Variants in TMEM150C observed in about 807,000 individuals in gnomAD.
The protein encoded by TMEM150C is transmembrane protein 150C.
A neutral mutation model predicts 29.9 loss-of-function variants in TMEM150C; 10 were observed. That is an observed-to-expected ratio of 0.33 (90% CI 0.21 to 0.57). The LOEUF (loss-of-function observed/expected upper bound fraction) is 0.57, where lower values mean the gene tolerates loss of function less well. Ranked by LOEUF, TMEM150C falls within the 20% of genes least tolerant of loss-of-function variation. The pLI, the probability that TMEM150C is intolerant of heterozygous loss-of-function variation, is 0.88. For missense variants in TMEM150C, 251 were observed against 303.6 expected (o/e 0.83, Z 1.29); for synonymous variants, 101 against 112.5 (o/e 0.90, Z 0.64).
chr4:82,559,614 C>T lies in TMEM150C; in HGVS notation c.-11+2292G>A, dbSNP rs191147682. 7.2e-5 allele frequency among the ~76,000 whole-genome samples: 11 copies of T among 152,246 alleles called. No individual in the cohort carries two copies. The East Asian group carries it at 7.7e-4, about 11-fold the overall frequency. ...TATTACACACCTGTGTCTAGTCCTACGCTTTTCATGAACTTAGACCTGGAT... is the reference window on the plus strand; with the variant it reads ...TATTACACACCTGTGTCTAGTCCTATGCTTTTCATGAACTTAGACCTGGAT... On this transcript the variant is annotated intron_variant, in intron 1 of 7. Transcript: ENST00000449862.
At chr4:82,514,340 T>C (rs1280356594) in intron 1 of TMEM150C, among the ~76,000 whole-genome samples, 1 of 152,244 alleles carries the variant, frequency 6.6e-6, no homozygotes, top group Non-Finnish European at 1.5e-5. Flanking sequence ...CTCCCTGTTC[T>C]ACCGTGGTAT....
At chr4:82,491,506 C>T in intron 6 of TMEM150C, 1 of 674,346 alleles carries the variant, frequency 1.5e-6, no homozygotes, top group Admixed American at 2.2e-5. Flanking sequence ...GGCTGGATGT[C>T]CTGTCCAATG....
At chr4:82,558,621 CAGA>C (rs1725816770) in intron 1 of TMEM150C, among the ~76,000 whole-genome samples, 1 of 147,452 alleles carries the variant, frequency 6.8e-6, no homozygotes. Context: ...CTAAACATAC[CAGA>C]AAAAAAAAAA....
chr4:82,502,271 T>G (rs1723761489), intron 5 of TMEM150C, among the ~76,000 whole-genome samples: 1 of 152,178 alleles, frequency 6.6e-6, no homozygotes. Context: ...CAGGAGAGAG[T>G]GTAATCCTAA....
At chr4:82,525,656 G>A (rs575105710) in intron 1 of TMEM150C, among the ~76,000 whole-genome samples, 169 of 152,220 alleles carry the variant, frequency 1.1e-3, no homozygotes, top group African/African-American at 3.6e-3. Flanking sequence ...ATATGGTTAC[G>A]AAATGACACC....
chr4:82,556,673 A>C (rs998121019), intron 1 of TMEM150C, among the ~76,000 whole-genome samples: 2 of 152,170 alleles, frequency 1.3e-5, no homozygotes, highest in African/African-American at 4.8e-5. Flanking sequence ...TTAAAAGAGA[A>C]AAGAAAAGAA....
intron 1 of TMEM150C, among the ~76,000 whole-genome samples, chr4:82,538,161 G>A (rs1200146129): frequency 3.3e-5 from 5 of 152,112 alleles, no homozygotes; most frequent in Non-Finnish European, 5.9e-5. Context: ...AGATTCAAGC[G>A]ATTCTCCTGC....
intron 1 of TMEM150C, among the ~76,000 whole-genome samples, chr4:82,523,872 G>T (rs530624998): frequency 1.1e-3 from 172 of 151,524 alleles, no homozygotes; most frequent in Non-Finnish European, 2.3e-3. Flanking sequence ...GAGATGGGGG[G>T]GGTTTCACCA....
chr4:82,539,437 T>C (rs1354695348), intron 1 of TMEM150C, among the ~76,000 whole-genome samples: 1 of 150,942 alleles, frequency 6.6e-6, no homozygotes, highest in Admixed American at 6.6e-5. Context: ...ATGAATTGGA[T>C]AAAGGATAAA....
At chr4:82,508,855 T>C (rs1160849959) in intron 1 of TMEM150C, among the ~76,000 whole-genome samples, 5 of 152,200 alleles carry the variant, frequency 3.3e-5, no homozygotes, top group African/African-American at 1.2e-4. Context: ...AGATAATTCT[T>C]CCCATGTCCT....
intron 1 of TMEM150C, among the ~76,000 whole-genome samples, chr4:82,544,701 C>T (rs1725302090): frequency 6.7e-6 from 1 of 149,962 alleles, no homozygotes; most frequent in Admixed American, 6.6e-5. Flanking sequence ...ATGGCTTGAG[C>T]CAGGCAGGTA....
intron 1 of TMEM150C, among the ~76,000 whole-genome samples, chr4:82,548,129 A>C (rs1463923074): frequency 6.6e-6 from 1 of 152,244 alleles, no homozygotes; most frequent in Non-Finnish European, 1.5e-5. Context: ...GTACGTTCTC[A>C]TAAGTGGGAG....
At chr4:82,497,728 GT>G (rs1344502984) in intron 5 of TMEM150C, among the ~76,000 whole-genome samples, 3 of 152,134 alleles carry the variant, frequency 2.0e-5, no homozygotes, top group Non-Finnish European at 4.4e-5. Flanking sequence ...CAAACTATTG[GT>G]TTGAGGGACC....
intron 1 of TMEM150C, among the ~76,000 whole-genome samples, chr4:82,539,581 T>G (rs376470744): frequency 6.6e-6 from 1 of 151,852 alleles, no homozygotes; most frequent in East Asian, 1.9e-4. Context: ...GACTCCCGAG[T>G]AGCTGGGACT....
intron 1 of TMEM150C, among the ~76,000 whole-genome samples, chr4:82,557,502 C>CAG (rs1465165835): frequency 3.3e-5 from 5 of 152,096 alleles, no homozygotes; most frequent in African/African-American, 1.2e-4. Flanking sequence ...TTGAAACGTA[C>CAG]AGAAACTGAC....
chr4:82,495,576 C>A, intron 6 of TMEM150C: 1 of 351,422 alleles, frequency 2.8e-6, no homozygotes, highest in South Asian at 2.7e-5. Flanking sequence ...AGATTGGCAT[C>A]CACAGTGCAA....
chr4:82,559,702 C>T (rs1220225164), intron 1 of TMEM150C, among the ~76,000 whole-genome samples: 3 of 152,224 alleles, frequency 2.0e-5, no homozygotes, highest in Non-Finnish European at 4.4e-5. Flanking sequence ...TGGACCCTTA[C>T]CAGAACCTAA....
chr4:82,561,458 A>T lies in TMEM150C; in HGVS notation c.-11+448T>A, dbSNP rs1465442542. The stretch of plus-strand genomic sequence containing the variant: ...AAAGTGCAGGGAGAATGGCACAGGG[A>T]CCGGGAGGTCAAACTTGGGGTCGCT... On this transcript the variant is annotated intron_variant, in intron 1 of 7. Transcript: ENST00000449862. Among the ~76,000 whole-genome samples, 4 of 152,058 alleles carry T rather than the reference A, an allele frequency of 2.6e-5. No individual in the cohort carries two copies. The South Asian group carries it at 8.3e-4, about 32-fold the overall frequency.
chr4:82,485,251 T>A lies in TMEM150C; in HGVS notation c.*260A>T, dbSNP rs1039755092. On this transcript the variant is annotated 3_prime_UTR_variant, in exon 8 of 8. Coordinates refer to ENST00000449862, the MANE Select transcript of TMEM150C (RefSeq NM_001080506.3). ...GAGGGAGTGCTGGGAAGGGGACGGATAAGAAGTGATCATGCACAAGCTTCT... is the reference window on the plus strand; with the variant it reads ...GAGGGAGTGCTGGGAAGGGGACGGAAAAGAAGTGATCATGCACAAGCTTCT... The A allele has an allele frequency of 5.1e-5, 22 of 435,212 alleles. No homozygotes were observed. Among genetic ancestry groups the A allele is most frequent in the African/African-American group, 4.0e-4 (20 of 49,924 alleles). 27.0% of individuals were successfully genotyped at this position (435,212 alleles called of 1,614,324 possible). A position where few individuals can be genotyped will look rare whatever the true frequency, so the allele number is the denominator to read the frequency against.
Sources: allele counts gnomAD v4.1 joint callset (sites outside exome capture counted in the v4.1 genomes callset), GRCh38; gene constraint gnomAD v4.1.1; transcripts MANE v1.5; gene names NCBI Gene and HGNC (gene_info 2026-07-23, HGNC 2026-07-21).